Variants in CNTN5 observed in about 807,000 individuals in gnomAD.
CNTN5 encodes the protein contactin-5.
A neutral mutation model predicts 129.1 loss-of-function variants in CNTN5; 77 were observed. The ratio of observed to expected loss-of-function variants is 0.60; its 90% CI spans 0.50 to 0.72. The LOEUF (loss-of-function observed/expected upper bound fraction) is 0.72. Among genes scored for constraint, CNTN5 ranks in the 30% least tolerant of loss-of-function variants. CNTN5 has a pLI of 0.00. For synonymous variants in CNTN5, 509 were observed against 465.6 expected, an observed-to-expected ratio of 1.09 and a Z score of -1.20; for missense variants, 1,478 against 1,328.8, an observed-to-expected ratio of 1.11 and a Z score of -1.75.
At chr11:99,946,334 TATTA>T (rs1665036126) in intron 7 of CNTN5, among the ~76,000 whole-genome samples, 1 of 152,118 alleles carries the variant, frequency 6.6e-6, no homozygotes, top group African/African-American at 2.4e-5. Flanking sequence ...TCACCAGAAT[TATTA>T]ATTAACCTAC....
At chr11:100,198,165 A>G (rs1948693994) in intron 15 of CNTN5, among the ~76,000 whole-genome samples, 1 of 151,956 alleles carries the variant, frequency 6.6e-6, no homozygotes, top group Admixed American at 6.6e-5. Flanking sequence ...AGAAATAAAA[A>G]TAAAAGGAAG....
chr11:99,267,971 T>C (rs1862987255), intron 1 of CNTN5, among the ~76,000 whole-genome samples: 1 of 147,966 alleles, frequency 6.8e-6, no homozygotes. Context: ...ATACAAAGGA[T>C]CAAGTCTTGT....
chr11:99,286,815 G>A (rs1218642449), intron 1 of CNTN5, among the ~76,000 whole-genome samples: 10 of 151,952 alleles, frequency 6.6e-5, no homozygotes, highest in Admixed American at 3.9e-4. Context: ...TGTAAGAAAA[G>A]GTTTAAACTA....
intron 3 of CNTN5, among the ~76,000 whole-genome samples, chr11:99,652,835 C>G (rs760046651): frequency 1.3e-5 from 2 of 151,992 alleles, no homozygotes; most frequent in South Asian, 4.1e-4. Flanking sequence ...CAAAGTAGTA[C>G]CTTTCTAAAG....
At chr11:100,246,983 G>A (rs1949853602) in intron 16 of CNTN5, among the ~76,000 whole-genome samples, 1 of 152,132 alleles carries the variant, frequency 6.6e-6, no homozygotes, top group Non-Finnish European at 1.5e-5. Context: ...AAAGAGGAAA[G>A]CCACCACTAG....
chr11:99,251,278 G>C (rs1230801429), intron 1 of CNTN5, among the ~76,000 whole-genome samples: 1 of 151,924 alleles, frequency 6.6e-6, no homozygotes, highest in Non-Finnish European at 1.5e-5. Flanking sequence ...TAAGAGAAGA[G>C]ATGTGATCTT....
At chr11:99,708,194 C>G (rs1000143358) in intron 3 of CNTN5, among the ~76,000 whole-genome samples, 1 of 151,638 alleles carries the variant, frequency 6.6e-6, no homozygotes, top group African/African-American at 2.4e-5. Context: ...ATGGGAAATA[C>G]AGGGAAAATA....
At chr11:100,211,473 A>G (rs931952539) in intron 15 of CNTN5, among the ~76,000 whole-genome samples, 27 of 133,374 alleles carry the variant, frequency 2.0e-4, no homozygotes, top group East Asian at 4.5e-4. Flanking sequence ...TGATATTGGG[A>G]AAAAAAAAAA....
chr11:99,073,705 C>T (rs886074286), intron 1 of CNTN5, among the ~76,000 whole-genome samples: 1 of 151,998 alleles, frequency 6.6e-6, no homozygotes, highest in African/African-American at 2.4e-5. Context: ...CAGCTTCTTC[C>T]ATGTCTCTGT....
chr11:99,091,373 C>T (rs1465868825), intron 1 of CNTN5, among the ~76,000 whole-genome samples: 1 of 152,170 alleles, frequency 6.6e-6, no homozygotes, highest in East Asian at 1.9e-4. Context: ...GTTTGGTGGT[C>T]TCTGGTGCTA....
chr11:99,307,946 A>G (rs970578032), intron 1 of CNTN5, among the ~76,000 whole-genome samples: 1 of 152,220 alleles, frequency 6.6e-6, no homozygotes, highest in African/African-American at 2.4e-5. Flanking sequence ...TCAATGTTCA[A>G]ATAGTATGTG....
intron 9 of CNTN5, among the ~76,000 whole-genome samples, chr11:100,047,347 C>T (rs1942735702): frequency 6.6e-6 from 1 of 151,958 alleles, no homozygotes; most frequent in Admixed American, 6.6e-5. Flanking sequence ...ATTTTTAACT[C>T]ACCCTAAAAA....
intron 2 of CNTN5, among the ~76,000 whole-genome samples, chr11:99,411,592 G>A (rs1029638234): frequency 6.6e-6 from 1 of 152,094 alleles, no homozygotes; most frequent in Non-Finnish European, 1.5e-5. Flanking sequence ...ACAGCTCTTA[G>A]GGTTTTATGT....
rs546234649 is a variant in CNTN5 at position 100,165,798 on chromosome 11, G to A, written c.1581-25328G>A. ...GTGTTTGTTAGGCACAGTGCTGATC[G>A]CCTTGCATTCTATTTTGTTAACCCC... On this transcript the variant is annotated intron_variant, in intron 13 of 24. Transcript: ENST00000524871. Among the ~76,000 whole-genome samples, 7 of 151,722 alleles carry A rather than the reference G, an allele frequency of 4.6e-5. No individual in the cohort carries two copies. The South Asian group carries it at 6.2e-4, about 14-fold the overall frequency.
chr11:99,588,264 A>G (rs1949867856), intron 3 of CNTN5, among the ~76,000 whole-genome samples: 1 of 149,446 alleles, frequency 6.7e-6, no homozygotes, highest in African/African-American at 2.5e-5. Context: ...GAATGGCGTG[A>G]ACCCAGGAGG....
intron 1 of CNTN5, among the ~76,000 whole-genome samples, chr11:99,047,192 T>C (rs1009724480): frequency 6.6e-6 from 1 of 151,896 alleles, no homozygotes; most frequent in African/African-American, 2.4e-5. Flanking sequence ...TTTTTCAGTA[T>C]ATTTGAAACC....
chr11:100,199,850 T>G (rs2138543410), intron 15 of CNTN5, among the ~76,000 whole-genome samples: 1 of 152,124 alleles, frequency 6.6e-6, no homozygotes, highest in Non-Finnish European at 1.5e-5. Flanking sequence ...TAAGTAATTT[T>G]ATTTTTCATC....
intron 3 of CNTN5, among the ~76,000 whole-genome samples, chr11:99,741,547 C>A (rs1943888304): frequency 6.6e-6 from 1 of 152,084 alleles, no homozygotes; most frequent in Admixed American, 6.6e-5. Flanking sequence ...ACCTTACTGA[C>A]ATCAGTAAGC....
At chr11:99,786,238 G>A (rs1284811976) in intron 3 of CNTN5, among the ~76,000 whole-genome samples, 1 of 152,104 alleles carries the variant, frequency 6.6e-6, no homozygotes, top group Non-Finnish European at 1.5e-5. Context: ...CTAATCATTA[G>A]TGAACTCCCA....
Sources: allele counts gnomAD v4.1 joint callset (sites outside exome capture counted in the v4.1 genomes callset), GRCh38; gene constraint gnomAD v4.1.1; transcripts MANE v1.5; gene names NCBI Gene and HGNC (gene_info 2026-07-23, HGNC 2026-07-21).